Variants in IQCH observed in about 807,000 individuals in gnomAD.
The protein encoded by IQCH is IQ motif containing H.
In IQCH, 98 loss-of-function variants were observed where a neutral mutation model predicts 117.0. The observed-to-expected ratio is 0.84, with a 90% CI of 0.71 to 0.99. IQCH has a LOEUF of 0.99. IQCH is among the 50% of genes least tolerant of loss of function. The pLI, the probability that IQCH is intolerant of heterozygous loss-of-function variation, is 0.00. For synonymous variants in IQCH, 412 were observed against 448.2 expected, an observed-to-expected ratio of 0.92 and a Z score of 1.02; for missense variants, 1,102 against 1,243.8, an observed-to-expected ratio of 0.89 and a Z score of 1.72.
chr15:67,292,830 A>C (rs1275335832), intron 4 of IQCH, among the ~76,000 whole-genome samples: 1 of 152,190 alleles, frequency 6.6e-6, no homozygotes, highest in East Asian at 1.9e-4. Context: ...TTTCCAGTTC[A>C]TATTTAGATT....
chr15:67,457,352 C>T lies in IQCH; in HGVS notation c.2506-7775C>T, dbSNP rs554095089. Among the ~76,000 whole-genome samples, 4 of 152,110 alleles carry T rather than the reference C, an allele frequency of 2.6e-5. No individual in the cohort carries two copies. The highest frequency in any genetic ancestry group is 5.9e-5 in the Non-Finnish European group (4 of 68,018). On this transcript the variant is annotated intron_variant, in intron 16 of 20. Transcript: ENST00000335894. This position sits in a 1 kb window ranked among gnomAD's most constrained non-coding sequence, Gnocchi z 5.7. ...CCATGCTGTCTGGAGATTCAGTGAT[C>T]CAAGTGGGGAAAAAATATGTCATTT...
At chr15:67,284,573 A>G (rs192853671) in intron 4 of IQCH, among the ~76,000 whole-genome samples, 2 of 152,252 alleles carry the variant, frequency 1.3e-5, no homozygotes, top group East Asian at 3.9e-4. Flanking sequence ...TATTAAGCCT[A>G]GTACCCATTA....
In IQCH at chr15:67,370,881, C is replaced by T. The variant is rs541821432; in HGVS notation, c.754-1230C>T. Among the ~76,000 whole-genome samples the T allele has an allele frequency of 9.3e-5, 14 of 150,884 alleles. No individual in the cohort carries two copies. The South Asian group carries it at 2.7e-3, about 29-fold the overall frequency. On this transcript the variant is annotated intron_variant, in intron 8 of 20. Coordinates refer to ENST00000335894, the MANE Select transcript of IQCH (RefSeq NM_001031715.3). This position sits in a 1 kb window ranked among gnomAD's most constrained non-coding sequence, Gnocchi z 5.6. The stretch of plus-strand genomic sequence containing the variant: ...AATTAATTATTGTGCGGCCCAGGAC[C>T]GGAGAAAAGAAAACGCGTGAATAAT...
intron 14 of IQCH, among the ~76,000 whole-genome samples, chr15:67,402,971 G>A (rs914982526): frequency 6.6e-6 from 1 of 152,180 alleles, no homozygotes; most frequent in Non-Finnish European, 1.5e-5. Context: ...ATCTGGGCCG[G>A]GCATGGTGGC....
chr15:67,478,797 G>A (rs980263417), intron 18 of IQCH, among the ~76,000 whole-genome samples: 22 of 151,904 alleles, frequency 1.4e-4, no homozygotes, highest in East Asian at 3.9e-4. Flanking sequence ...GTTGGCAGGC[G>A]CCTGTAATCC....
At position 67,454,389 on chromosome 15, in the gene IQCH, C is replaced by A. The variant is rs2082610129; in HGVS notation, c.2506-10738C>A. On this transcript the variant is annotated intron_variant, in intron 16 of 20. Coordinates refer to ENST00000335894, the MANE Select transcript of IQCH (RefSeq NM_001031715.3). This position sits in a 1 kb window ranked among gnomAD's most constrained non-coding sequence, Gnocchi z 5.2. ...CTTGGCTCTGGTCTTGATCTCTTGA[C>A]CTTGTGATCCGCCCGCCTCGGCCTC... 6.6e-6 allele frequency among the ~76,000 whole-genome samples: 1 copy of A among 152,184 alleles called. No homozygotes were observed. The highest frequency in any genetic ancestry group is 6.5e-5 in the Admixed American group (1 of 15,272).
intron 4 of IQCH, among the ~76,000 whole-genome samples, chr15:67,324,914 G>T (rs1299851821): frequency 1.3e-5 from 2 of 151,694 alleles, no homozygotes; most frequent in East Asian, 3.9e-4. Flanking sequence ...TTCTGCTTGG[G>T]GTTCATCGTA....
chr15:67,298,996 C>T (rs1474053762), intron 4 of IQCH, among the ~76,000 whole-genome samples: 1 of 149,714 alleles, frequency 6.7e-6, no homozygotes, highest in African/African-American at 2.5e-5. Flanking sequence ...TCCCAATAGC[C>T]AAGATTTAGA....
chr15:67,336,147 T>C (rs934447094), intron 4 of IQCH, among the ~76,000 whole-genome samples: 2 of 152,122 alleles, frequency 1.3e-5, no homozygotes, highest in Non-Finnish European at 2.9e-5. Context: ...AGTTCTTTAT[T>C]AGTTAAATAG....
rs1052804071 is a variant in IQCH, at chr15:67,481,879, TAAAAC to T, written c.2799+6064_2799+6068del. ...AAAGAGACTGTTGCTGCTTAAGACT[TAAAAC>T]AACCCTTGGGCCCTCAACTATCTAC... On this transcript the variant is annotated intron_variant, in intron 18 of 20. Coordinates refer to ENST00000335894, the MANE Select transcript of IQCH (RefSeq NM_001031715.3). The surrounding 1 kb of genome is among the most constrained non-coding windows in gnomAD (Gnocchi z 4.1). 6.6e-6 allele frequency among the ~76,000 whole-genome samples: 1 copy of T among 152,282 alleles called. No individual in the cohort carries two copies. Among genetic ancestry groups the T allele is most frequent in the Non-Finnish European group, 1.5e-5 (1 of 68,004 alleles).
chr15:67,483,461 G>T (rs938390792), intron 18 of IQCH, among the ~76,000 whole-genome samples: 1 of 152,246 alleles, frequency 6.6e-6, no homozygotes, highest in African/African-American at 2.4e-5. Context: ...AGGTTGCAGT[G>T]AGCCAAGATC....
intron 4 of IQCH, among the ~76,000 whole-genome samples, chr15:67,290,541 A>C (rs1966716795): frequency 6.6e-6 from 1 of 152,038 alleles, no homozygotes. Flanking sequence ...GACTGGCAAG[A>C]TTCTTGGCAA....
At chr15:67,257,810 T>A (rs544193268) in intron 1 of IQCH, among the ~76,000 whole-genome samples, 1 of 152,376 alleles carries the variant, frequency 6.6e-6, no homozygotes, top group East Asian at 1.9e-4. Flanking sequence ...AACAATTGTG[T>A]GTTAACACAA....
chr15:67,257,760 C>T (rs530550226), intron 1 of IQCH, among the ~76,000 whole-genome samples: 1 of 152,288 alleles, frequency 6.6e-6, no homozygotes, highest in Non-Finnish European at 1.5e-5. Context: ...CAAATATTAC[C>T]TGATCTTATG....
At chr15:67,296,639 G>T (rs1966854186) in intron 4 of IQCH, among the ~76,000 whole-genome samples, 1 of 152,160 alleles carries the variant, frequency 6.6e-6, no homozygotes, top group African/African-American at 2.4e-5. Flanking sequence ...GGGGACTAGA[G>T]AGGGTAAAGA....
Position 67,466,035 on chromosome 15 carries a change from C to G in IQCH, c.2676+738C>G, listed in dbSNP as rs1164219410. Reference sequence around the variant, plus strand: ...GTGATTTTGAATGGACTCCTGTGATCTTCAGGAAAATCCCATTTCCCAGCT... The same window carrying G: ...GTGATTTTGAATGGACTCCTGTGATGTTCAGGAAAATCCCATTTCCCAGCT... On this transcript the variant is annotated intron_variant, in intron 17 of 20. Transcript: ENST00000335894. This position sits in a 1 kb window ranked among gnomAD's most constrained non-coding sequence, Gnocchi z 4.4. 6.6e-6 allele frequency among the ~76,000 whole-genome samples: 1 copy of G among 152,204 alleles called. No homozygotes were observed. The highest frequency in any genetic ancestry group is 1.5e-5 in the Non-Finnish European group (1 of 68,038).
At chr15:67,487,742 C>T (rs2083531416) in intron 18 of IQCH, among the ~76,000 whole-genome samples, 1 of 152,104 alleles carries the variant, frequency 6.6e-6, no homozygotes, top group African/African-American at 2.4e-5. Context: ...TGTACTAAAG[C>T]TCAGATTTCT....
intron 16 of IQCH, among the ~76,000 whole-genome samples, chr15:67,452,907 G>A (rs564324010): frequency 1.8e-4 from 27 of 152,174 alleles, no homozygotes; most frequent in Admixed American, 1.4e-3. Context: ...CATATTTTTT[G>A]GAGGCTTTGT....
rs536259708 is a variant in IQCH at position 67,442,950 on chromosome 15, G to C, written c.2505+21373G>C. Reference sequence around the variant, plus strand: ...ATACTATGCAGCCATAAAAAGGAATGAATTAACAGCATTTGTAGTCACCTG... The same window carrying C: ...ATACTATGCAGCCATAAAAAGGAATCAATTAACAGCATTTGTAGTCACCTG... On this transcript the variant is annotated intron_variant, in intron 16 of 20. Coordinates refer to ENST00000335894, the MANE Select transcript of IQCH (RefSeq NM_001031715.3). 4.0e-5 allele frequency among the ~76,000 whole-genome samples: 6 copies of C among 150,634 alleles called. No homozygotes were observed. The South Asian group carries it at 1.3e-3, about 31-fold the overall frequency.
Sources: allele counts gnomAD v4.1 joint callset (sites outside exome capture counted in the v4.1 genomes callset), GRCh38; gene constraint gnomAD v4.1.1; non-coding constraint Gnocchi (gnomAD v3.1); transcripts MANE v1.5; gene names NCBI Gene and HGNC (gene_info 2026-07-23, HGNC 2026-07-21).